The following ITPR2 variants were observed in gnomAD, a reference collection of about 807,000 sequenced individuals.
ITPR2 encodes inositol 1,4,5-trisphosphate-gated calcium channel ITPR2.
In ITPR2, 207 loss-of-function variants were observed where a neutral mutation model predicts 317.1. That is an observed-to-expected ratio of 0.65 (90% CI 0.58 to 0.73). The LOEUF (loss-of-function observed/expected upper bound fraction) is 0.73, where lower values mean the gene tolerates loss of function less well. Ranked by LOEUF, ITPR2 falls within the 30% of genes least tolerant of loss-of-function variation. The pLI, the probability that ITPR2 is intolerant of heterozygous loss-of-function variation, is 0.00. For missense variants in ITPR2, 2,613 were observed against 3,284.0 expected, an observed-to-expected ratio of 0.80 and a Z score of 4.99; for synonymous variants, 1,156 against 1,149.1, an observed-to-expected ratio of 1.01 and a Z score of -0.12.
intron 21 of ITPR2, among the ~76,000 whole-genome samples, chr12:26,646,233 C>T (rs1340427986): frequency 6.6e-6 from 1 of 152,034 alleles, no homozygotes; most frequent in Non-Finnish European, 1.5e-5. Context: ...CATATTTAGA[C>T]TAACCTCGTA....
In ITPR2 at chr12:26,744,202, C is replaced by G. The variant is rs188653366; in HGVS notation, c.164-18437G>C. ...AAAAGCCAAAGGCCTCCCTGTGGCC[C>G]ACAAGGCCCTATATGAGCTGCTCTC... is the stretch of plus-strand genomic sequence containing the variant. On this transcript the variant is annotated intron_variant, in intron 2 of 56. Transcript: ENST00000381340. Among the ~76,000 whole-genome samples the G allele has an allele frequency of 2.4e-4, 36 of 152,350 alleles. No homozygotes were observed. The East Asian group carries it at 6.4e-3, about 27-fold the overall frequency.
intron 51 of ITPR2, among the ~76,000 whole-genome samples, chr12:26,414,050 TACACACACAC>T (rs777855580): frequency 2.9e-5 from 4 of 138,112 alleles, no homozygotes; most frequent in East Asian, 2.4e-4. Flanking sequence ...TGTATATATG[TACACACACAC>T]ACACACACAC....
intron 14 of ITPR2, 112 bp from the exon 15 acceptor site, chr12:26,663,958 T>G (rs1213216092): frequency 4.0e-6 from 4 of 1,006,552 alleles, no homozygotes. Context: ...ATTTGAGTAT[T>G]AGAGTAAACG....
At chr12:26,364,864 T>C (rs889371645) in intron 55 of ITPR2, among the ~76,000 whole-genome samples, 1 of 152,196 alleles carries the variant, frequency 6.6e-6, no homozygotes, top group African/African-American at 2.4e-5. Flanking sequence ...GATGAGTCTG[T>C]AAAGGTTAGC....
intron 9 of ITPR2, among the ~76,000 whole-genome samples, chr12:26,698,325 GAGA>G (rs1173759413): frequency 6.6e-6 from 1 of 152,174 alleles, no homozygotes; most frequent in Non-Finnish European, 1.5e-5. Flanking sequence ...TGTCATGTAA[GAGA>G]AGAATGATAA....
At chr12:26,652,755 T>C (rs1255342969) in intron 21 of ITPR2, among the ~76,000 whole-genome samples, 1 of 152,214 alleles carries the variant, frequency 6.6e-6, no homozygotes, top group Non-Finnish European at 1.5e-5. Flanking sequence ...CAAAACTCCC[T>C]ACAGGATGAG....
Position 26,415,427 on chromosome 12 carries a change from A to G in ITPR2, c.7182T>C (p.Ser2394=). The G allele has an allele frequency of 1.2e-6, 2 of 1,612,490 alleles. No homozygotes were observed. The highest frequency in any genetic ancestry group is 1.1e-5 in the South Asian group (1 of 90,894). Reference sequence around the variant, plus strand: ...GAGCCAGGACTGCAGTTAGAATAATAGAGCGGCCATTTCGTGTGACACTTT... The same window carrying G: ...GAGCCAGGACTGCAGTTAGAATAATGGAGCGGCCATTTCGTGTGACACTTT... ...VIKSVTRNGR[S]IILTAVLALI... The change falls in exon 51 of 57, where the codon TCT becomes TCC. Residue 2394 remains serine (S), a synonymous_variant. Transcript: ENST00000381340.
At chr12:26,710,061 C>G (rs1420115306) in intron 9 of ITPR2, among the ~76,000 whole-genome samples, 1 of 152,134 alleles carries the variant, frequency 6.6e-6, no homozygotes, top group Non-Finnish European at 1.5e-5. Flanking sequence ...TGGCAAAACC[C>G]CTTCTCTACT....
intron 45 of ITPR2, among the ~76,000 whole-genome samples, chr12:26,461,627 AATATATATATATATATATATATAT>A (rs754482854): frequency 1.0e-4 from 5 of 48,734 alleles, no homozygotes; most frequent in Middle Eastern, 9.6e-3. Flanking sequence ...AAAGCATATA[AATATATATATATATATATATATAT>A]ATATATATAT....
intron 55 of ITPR2, among the ~76,000 whole-genome samples, chr12:26,375,327 TAGGATGGGTTATCATTTCAAAAA>T (rs1219995558): frequency 6.6e-6 from 1 of 152,198 alleles, no homozygotes; most frequent in Non-Finnish European, 1.5e-5. Context: ...ATAAATGACT[TAGGATGGGTTATCATTTCAAAAA>T]AGCTTCCATA....
intron 2 of ITPR2, among the ~76,000 whole-genome samples, chr12:26,780,715 C>G (rs1038302465): frequency 6.6e-6 from 1 of 152,142 alleles, no homozygotes; most frequent in Admixed American, 6.5e-5. Flanking sequence ...CCAGGATTCA[C>G]GGGTCCAGGA....
chr12:26,586,264 T>C (rs1945525096), intron 32 of ITPR2, among the ~76,000 whole-genome samples: 2 of 152,018 alleles, frequency 1.3e-5, no homozygotes, highest in African/African-American at 4.8e-5. Flanking sequence ...CTTCCCTCGG[T>C]GTCCCTAGTA....
At chr12:26,627,939 AC>A (rs1326914366) in intron 23 of ITPR2, 93 bp downstream of exon 23, 5 of 1,203,482 alleles carry the variant, frequency 4.2e-6, no homozygotes, top group Non-Finnish European at 5.8e-6. Context: ...TTTAAAAAGC[AC>A]AAAAAATATA....
intron 26 of ITPR2, among the ~76,000 whole-genome samples, chr12:26,609,616 C>T (rs1946218428): frequency 7.1e-6 from 1 of 139,884 alleles, no homozygotes; most frequent in African/African-American, 2.7e-5. Context: ...ACAAAAAGAA[C>T]AAATGGAAAA....
At chr12:26,618,455 T>C (rs1946418264) in intron 26 of ITPR2, among the ~76,000 whole-genome samples, 1 of 152,164 alleles carries the variant, frequency 6.6e-6, no homozygotes, top group Non-Finnish European at 1.5e-5. Flanking sequence ...CTCAACCTCA[T>C]AACTAATTCA....
intron 37 of ITPR2, among the ~76,000 whole-genome samples, chr12:26,516,310 A>AGGAAAGGAAAGGAAGGGAAAGGAAG (rs1555145821): frequency 8.0e-6 from 1 of 125,072 alleles, no homozygotes; most frequent in Non-Finnish European, 1.7e-5. Flanking sequence ...AGGAAAGGAA[A>AGGAAAGGAAAGGAAGGGAAAGGAAG]GGAAAGGAAA....
intron 33 of ITPR2, 128 bp from the exon 34 acceptor site, chr12:26,578,961 G>T: frequency 2.3e-6 from 2 of 869,886 alleles, no homozygotes; most frequent in Non-Finnish European, 1.7e-6. Flanking sequence ...TTCAGTGCTA[G>T]TTAATAAATA....
At chr12:26,676,818 C>G (rs1023682921) in intron 13 of ITPR2, among the ~76,000 whole-genome samples, 2 of 151,722 alleles carry the variant, frequency 1.3e-5, no homozygotes, top group African/African-American at 2.4e-5. Flanking sequence ...AAAAAAGGAA[C>G]AAAATTTATC....
At chr12:26,630,235 T>C (rs1946716965) in intron 22 of ITPR2, among the ~76,000 whole-genome samples, 1 of 152,220 alleles carries the variant, frequency 6.6e-6, no homozygotes, top group African/African-American at 2.4e-5. Context: ...CATGCAGCAT[T>C]GTATTCCATA....
Sources: allele counts gnomAD v4.1 joint callset (sites outside exome capture counted in the v4.1 genomes callset), GRCh38; gene constraint gnomAD v4.1.1; transcripts MANE v1.5; gene names NCBI Gene and HGNC (gene_info 2026-07-23, HGNC 2026-07-21).